RNGTT: variants seen among roughly 807,000 people sequenced by gnomAD.
RNGTT encodes the protein RNA guanylyltransferase and 5'-phosphatase.
RNGTT carries 33 observed loss-of-function variants against 79.3 expected under a neutral mutation model. The ratio of observed to expected loss-of-function variants is 0.42; its 90% CI spans 0.32 to 0.56. The LOEUF (loss-of-function observed/expected upper bound fraction) is 0.56. Ranked by LOEUF, RNGTT falls within the 20% of genes least tolerant of loss-of-function variation. The pLI is 0.17. For missense variants in RNGTT, 497 were observed against 739.1 expected, an observed-to-expected ratio of 0.67 and a Z score of 3.80; for synonymous variants, 222 against 235.9, an observed-to-expected ratio of 0.94 and a Z score of 0.54.
At chr6:88,642,814 A>G (rs1773374104) in intron 14 of RNGTT, among the ~76,000 whole-genome samples, 2 of 152,246 alleles carry the variant, frequency 1.3e-5, no homozygotes, top group African/African-American at 2.4e-5. Flanking sequence ...TATGTGCTCA[A>G]TAAAAATGAT....
chr6:88,698,906 T>C (rs1288142709), intron 13 of RNGTT, among the ~76,000 whole-genome samples: 2 of 152,156 alleles, frequency 1.3e-5, no homozygotes, highest in African/African-American at 4.8e-5. Context: ...GCATGAGATG[T>C]CCATTAATAA....
chr6:88,833,196 T>C (rs192074240), intron 11 of RNGTT, among the ~76,000 whole-genome samples: 1 of 152,218 alleles, frequency 6.6e-6, no homozygotes, highest in East Asian at 1.9e-4. Flanking sequence ...AACGATAGAC[T>C]GGATAAAGAA....
intron 14 of RNGTT, among the ~76,000 whole-genome samples, chr6:88,617,799 C>A (rs1212280655): frequency 6.6e-6 from 1 of 151,840 alleles, no homozygotes; most frequent in African/African-American, 2.4e-5. Context: ...TTCCAATCCA[C>A]AAGCACCAAT....
chr6:88,912,101 A>T (rs1352739031), intron 4 of RNGTT, among the ~76,000 whole-genome samples: 1 of 151,858 alleles, frequency 6.6e-6, no homozygotes, highest in East Asian at 1.9e-4. Flanking sequence ...AAATAAAAAG[A>T]AGAAGAAGAA....
intron 1 of RNGTT, among the ~76,000 whole-genome samples, chr6:88,962,863 A>T (rs1007614589): frequency 2.0e-5 from 3 of 152,040 alleles, no homozygotes; most frequent in Admixed American, 6.5e-5. Context: ...CGAGCAAGAG[A>T]CCCTGTCTCA....
chr6:88,689,343 TA>T (rs1259131359), intron 13 of RNGTT, among the ~76,000 whole-genome samples: 1 of 152,194 alleles, frequency 6.6e-6, no homozygotes, highest in Non-Finnish European at 1.5e-5. Flanking sequence ...CTCACACCTA[TA>T]ATCCCAGCAC....
At chr6:88,764,723 C>T (rs1160401835) in intron 13 of RNGTT, among the ~76,000 whole-genome samples, 1 of 152,114 alleles carries the variant, frequency 6.6e-6, no homozygotes, top group African/African-American at 2.4e-5. Flanking sequence ...AGAAGACAAA[C>T]AACATCTCTC....
intron 13 of RNGTT, among the ~76,000 whole-genome samples, chr6:88,743,430 A>AGTTTT (rs71021390): frequency 0.14 from 20,936 of 151,870 alleles, 1,567 homozygotes; most frequent in Middle Eastern, 0.24. Flanking sequence ...CATCTCCATA[A>AGTTTT]GTTTTGTTTT....
chr6:88,668,760 G>C (rs1774515532), intron 14 of RNGTT, among the ~76,000 whole-genome samples: 1 of 151,952 alleles, frequency 6.6e-6, no homozygotes. Context: ...AGTAATACCA[G>C]AACAGAAGAA....
chr6:88,802,463 CT>C (rs1246499647), intron 11 of RNGTT, among the ~76,000 whole-genome samples: 1 of 152,114 alleles, frequency 6.6e-6, no homozygotes, highest in Non-Finnish European at 1.5e-5. Flanking sequence ...TTTTGAAGAA[CT>C]CAACATGTAT....
At chr6:88,924,397 G>A (rs1784255342) in intron 4 of RNGTT, among the ~76,000 whole-genome samples, 1 of 152,158 alleles carries the variant, frequency 6.6e-6, no homozygotes, top group African/African-American at 2.4e-5. Flanking sequence ...TTTCTATTAA[G>A]GAATGCCTCT....
intron 13 of RNGTT, among the ~76,000 whole-genome samples, chr6:88,694,359 T>C (rs1775584138): frequency 6.6e-6 from 1 of 152,016 alleles, no homozygotes; most frequent in African/African-American, 2.4e-5. Context: ...TTATAATAGT[T>C]AAAAAATGAA....
intron 14 of RNGTT, among the ~76,000 whole-genome samples, chr6:88,633,235 T>C (rs925922240): frequency 2.0e-5 from 3 of 151,754 alleles, no homozygotes; most frequent in African/African-American, 7.3e-5. Context: ...CCCCACTGAA[T>C]ACATAAAAGG....
chr6:88,622,314 C>T (rs190056076), intron 14 of RNGTT, among the ~76,000 whole-genome samples: 1 of 152,166 alleles, frequency 6.6e-6, no homozygotes, highest in African/African-American at 2.4e-5. Flanking sequence ...TGATGGATGG[C>T]AAATATTTTG....
At chr6:88,645,704 T>C (rs1186693917) in intron 14 of RNGTT, among the ~76,000 whole-genome samples, 1 of 151,942 alleles carries the variant, frequency 6.6e-6, no homozygotes, top group East Asian at 1.9e-4. Flanking sequence ...ATACCACACA[T>C]CTACAACCAT....
intron 12 of RNGTT, among the ~76,000 whole-genome samples, chr6:88,775,829 A>G (rs1778858272): frequency 6.6e-6 from 1 of 152,184 alleles, no homozygotes; most frequent in Non-Finnish European, 1.5e-5. Flanking sequence ...CTTGCTTAGT[A>G]CAATGCCCTC....
intron 13 of RNGTT, among the ~76,000 whole-genome samples, chr6:88,740,576 C>T (rs757099101): frequency 2.6e-5 from 4 of 151,870 alleles, no homozygotes; most frequent in Non-Finnish European, 5.9e-5. Flanking sequence ...GAATAAGATG[C>T]AGCCATAAAA....
chr6:88,761,728 C>G (rs189339925), intron 13 of RNGTT, among the ~76,000 whole-genome samples: 85 of 152,256 alleles, frequency 5.6e-4, no homozygotes, highest in Middle Eastern at 3.4e-3. Context: ...TTTAGCACCA[C>G]AATGGTAGAC....
chr6:88,834,999 C>T (rs1230872531), intron 11 of RNGTT, among the ~76,000 whole-genome samples: 1 of 152,042 alleles, frequency 6.6e-6, no homozygotes, highest in Non-Finnish European at 1.5e-5. Flanking sequence ...ATACTCTCAA[C>T]AGTTATTAGA....
Sources: allele counts gnomAD v4.1 joint callset (sites outside exome capture counted in the v4.1 genomes callset), GRCh38; gene constraint gnomAD v4.1.1; transcripts MANE v1.5; gene names NCBI Gene and HGNC (gene_info 2026-07-23, HGNC 2026-07-21).